Variants in COMMD1 observed in about 807,000 individuals in gnomAD.
COMMD1 encodes copper metabolism domain containing 1.
In COMMD1, 10 loss-of-function variants were observed where a neutral mutation model predicts 17.2. The ratio of observed to expected loss-of-function variants is 0.58; its 90% CI spans 0.36 to 0.99. The LOEUF (loss-of-function observed/expected upper bound fraction) is 0.99. Among genes scored for constraint, COMMD1 ranks in the 50% least tolerant of loss-of-function variants. The pLI, the probability that COMMD1 is intolerant of heterozygous loss-of-function variation, is 0.01. For synonymous variants in COMMD1, 97 were observed against 91.6 expected (o/e 1.06, Z -0.34); for missense variants, 270 against 231.8 (o/e 1.17, Z -1.07).
At chr2:62,070,662 G>GGGTT (rs1671175536) in intron 2 of COMMD1, among the ~76,000 whole-genome samples, 1 of 152,126 alleles carries the variant, frequency 6.6e-6, no homozygotes, top group South Asian at 2.1e-4. Context: ...GACCCCAAAA[G>GGGTT]GGTTCTTGGA....
intron 2 of COMMD1, among the ~76,000 whole-genome samples, chr2:62,020,259 A>T (rs1209372846): frequency 6.6e-6 from 1 of 152,244 alleles, no homozygotes; most frequent in Non-Finnish European, 1.5e-5. Flanking sequence ...ATGTTGGTAC[A>T]AAGGTGTCGT....
chr2:62,095,935 A>G (rs1671997523), intron 2 of COMMD1, among the ~76,000 whole-genome samples: 1 of 149,436 alleles, frequency 6.7e-6, no homozygotes, highest in Admixed American at 6.7e-5. Flanking sequence ...ATATATGTAT[A>G]CATATATGTG....
chr2:62,004,220 T>G (rs1004105512), intron 2 of COMMD1, among the ~76,000 whole-genome samples: 1 of 152,202 alleles, frequency 6.6e-6, no homozygotes, highest in Admixed American at 6.5e-5. Context: ...TATTTACAGT[T>G]TATTGTACAT....
At chr2:62,102,281 G>A (rs1267670941) in intron 2 of COMMD1, among the ~76,000 whole-genome samples, 1 of 152,014 alleles carries the variant, frequency 6.6e-6, no homozygotes, top group Non-Finnish European at 1.5e-5. Flanking sequence ...AACACCCTCT[G>A]TACTATTTTT....
chr2:62,030,445 G>A (rs1206855079), intron 2 of COMMD1, among the ~76,000 whole-genome samples: 4 of 152,124 alleles, frequency 2.6e-5, no homozygotes, highest in African/African-American at 9.7e-5. Flanking sequence ...AGCTCCAGTA[G>A]ATGTTTAGCA....
intron 2 of COMMD1, among the ~76,000 whole-genome samples, chr2:62,131,505 CTTTCT>C (rs906059529): frequency 6.6e-6 from 1 of 152,004 alleles, no homozygotes; most frequent in Non-Finnish European, 1.5e-5. Flanking sequence ...GCCTGCCTTC[CTTTCT>C]TTTCTTTTCT....
intron 1 of COMMD1, among the ~76,000 whole-genome samples, chr2:61,932,460 C>T (rs1670494370): frequency 6.6e-6 from 1 of 151,994 alleles, no homozygotes; most frequent in Admixed American, 6.6e-5. Flanking sequence ...TTTTTTGTTT[C>T]TTTCATTTCT....
chr2:62,050,387 T>G (rs1050851257), intron 2 of COMMD1, among the ~76,000 whole-genome samples: 1 of 152,228 alleles, frequency 6.6e-6, no homozygotes, highest in Non-Finnish European at 1.5e-5. Context: ...GTCTGCCATC[T>G]CAATGAAGTT....
At chr2:61,969,110 C>A in intron 1 of COMMD1, 1 of 364,898 alleles carries the variant, frequency 2.7e-6, no homozygotes, top group South Asian at 2.0e-5. Flanking sequence ...AGGTGCACAC[C>A]ACCACATCTG....
rs375146404 is a variant in COMMD1 at position 62,028,631 on chromosome 2, GT to G, written c.462+27657del. Among the ~76,000 whole-genome samples, 69 of 151,908 alleles carry G rather than the reference GT, an allele frequency of 4.5e-4. No individual in the cohort carries two copies. The East Asian group carries it at 0.013, about 28-fold the overall frequency. On this transcript the variant is annotated intron_variant, in intron 2 of 2. Transcript: ENST00000311832. ...TGATGCCAATAAAACTATTGGATAG[GT>G]TTTTTTTCCCCAAAAGGGTGTTATA...
At chr2:62,055,031 C>T (rs1558579370) in intron 2 of COMMD1, among the ~76,000 whole-genome samples, 1 of 152,174 alleles carries the variant, frequency 6.6e-6, no homozygotes, top group Non-Finnish European at 1.5e-5. Flanking sequence ...TACAGATTAA[C>T]ATTGGCAGAG....
chr2:61,898,989 G>C (rs1669606213), intron 1 of COMMD1, among the ~76,000 whole-genome samples: 1 of 152,028 alleles, frequency 6.6e-6, no homozygotes, highest in African/African-American at 2.4e-5. Context: ...CAGTTACATT[G>C]GCAATAGCAG....
At chr2:62,041,487 C>A (rs556836724) in intron 2 of COMMD1, among the ~76,000 whole-genome samples, 3 of 152,306 alleles carry the variant, frequency 2.0e-5, no homozygotes, top group African/African-American at 7.2e-5. Context: ...CTCACTGCAG[C>A]CTTGACCTTC....
chr2:62,109,624 G>T (rs13385897), intron 2 of COMMD1, among the ~76,000 whole-genome samples: 35 of 152,332 alleles, frequency 2.3e-4, no homozygotes, highest in African/African-American at 7.9e-4. Context: ...AGAATTGGAA[G>T]TAGATCCTAT....
intron 2 of COMMD1, 157 bp downstream of exon 2, chr2:62,001,139 A>G (rs879584214): frequency 1.3e-6 from 1 of 760,276 alleles, no homozygotes; most frequent in Non-Finnish European, 2.2e-6. Flanking sequence ...AAATTTGGAT[A>G]CTCTCACTTG....
chr2:62,067,739 T>C (rs1173612717), intron 2 of COMMD1, among the ~76,000 whole-genome samples: 2 of 152,212 alleles, frequency 1.3e-5, no homozygotes, highest in Non-Finnish European at 2.9e-5. Flanking sequence ...CTTCTTGGCC[T>C]TTCTCTGTAA....
At chr2:61,888,503 G>T, upstream of COMMD1, 1 of 1,611,724 alleles carries the variant, frequency 6.2e-7, no homozygotes, top group South Asian at 1.1e-5. Context: ...CACATTCTCG[G>T]GCATGGCAAA....
chr2:62,034,295 C>T (rs963633772), intron 2 of COMMD1, among the ~76,000 whole-genome samples: 3 of 151,554 alleles, frequency 2.0e-5, no homozygotes, highest in Non-Finnish European at 2.9e-5. Context: ...TGAGGTCAGA[C>T]GTTCGAGATC....
At chr2:61,945,768 G>A (rs1032680723) in intron 1 of COMMD1, among the ~76,000 whole-genome samples, 1 of 152,116 alleles carries the variant, frequency 6.6e-6, no homozygotes, top group Non-Finnish European at 1.5e-5. Context: ...CTCGAAGTGG[G>A]GGCTTCCAGG....
Sources: allele counts gnomAD v4.1 joint callset (sites outside exome capture counted in the v4.1 genomes callset), GRCh38; gene constraint gnomAD v4.1.1; transcripts MANE v1.5; gene names NCBI Gene and HGNC (gene_info 2026-07-23, HGNC 2026-07-21).